Variants in LDB2 observed in about 807,000 individuals in gnomAD.
LDB2 encodes the protein LIM domain binding 2.
Under a neutral mutation model 44.3 loss-of-function variants are expected in LDB2, and 12 were observed. The observed-to-expected ratio is 0.27, with a 90% CI of 0.17 to 0.44. The LOEUF (loss-of-function observed/expected upper bound fraction) is 0.44, where lower values mean the gene tolerates loss of function less well. LDB2 is among the 20% of genes least tolerant of loss of function. The pLI is 1.00. For missense variants in LDB2, 344 were observed against 473.5 expected, an observed-to-expected ratio of 0.73 and a Z score of 2.54; for synonymous variants, 164 against 174.8, an observed-to-expected ratio of 0.94 and a Z score of 0.49.
At chr4:16,719,999 A>G (rs1468216107) in intron 2 of LDB2, among the ~76,000 whole-genome samples, 1 of 152,166 alleles carries the variant, frequency 6.6e-6, no homozygotes, top group African/African-American at 2.4e-5. Flanking sequence ...TTAAATATTT[A>G]TCTTCCTTTA....
intron 2 of LDB2, among the ~76,000 whole-genome samples, chr4:16,667,921 C>T (rs1484795657): frequency 6.6e-6 from 1 of 152,168 alleles, no homozygotes; most frequent in Non-Finnish European, 1.5e-5. Context: ...GTCCTCTGCT[C>T]ACCTTCCACG....
chr4:16,646,929 T>C (rs143516254), intron 2 of LDB2, among the ~76,000 whole-genome samples: 2 of 152,344 alleles, frequency 1.3e-5, no homozygotes, highest in South Asian at 2.1e-4. Context: ...ACACTTACCA[T>C]ATGATTCAGC....
At chr4:16,832,999 C>T (rs902672314) in intron 1 of LDB2, among the ~76,000 whole-genome samples, 1 of 152,192 alleles carries the variant, frequency 6.6e-6, no homozygotes, top group Non-Finnish European at 1.5e-5. Context: ...CTATTTTACT[C>T]ATAAGGAAAC....
rs1035761774 is a variant in LDB2 at position 16,626,531 on chromosome 4, C to A, written c.236-30656G>T. Among the ~76,000 whole-genome samples, 3 of 152,220 alleles carry A rather than the reference C, an allele frequency of 2.0e-5. No homozygotes were observed. The East Asian group carries it at 5.8e-4, about 29-fold the overall frequency. On this transcript the variant is annotated intron_variant, in intron 2 of 7. Transcript: ENST00000304523. Reference sequence around the variant, plus strand: ...ACTAGCTAGACACTTCACTTCAGTGCTTGAAATCTAGCCAGGTTCTCACAG... The same window carrying A: ...ACTAGCTAGACACTTCACTTCAGTGATTGAAATCTAGCCAGGTTCTCACAG...
chr4:16,883,578 G>C (rs1720810665), intron 1 of LDB2, among the ~76,000 whole-genome samples: 1 of 152,220 alleles, frequency 6.6e-6, no homozygotes, highest in African/African-American at 2.4e-5. Context: ...CATTCTATCA[G>C]TGTGGAAACT....
intron 5 of LDB2, among the ~76,000 whole-genome samples, chr4:16,539,146 G>T (rs1462159817): frequency 6.6e-6 from 1 of 152,182 alleles, no homozygotes; most frequent in Non-Finnish European, 1.5e-5. Context: ...TACAATTGGG[G>T]ATCAAGGAAA....
At chr4:16,743,023 C>T (rs945445609) in intron 2 of LDB2, among the ~76,000 whole-genome samples, 8 of 152,078 alleles carry the variant, frequency 5.3e-5, no homozygotes, top group Non-Finnish European at 8.8e-5. Flanking sequence ...GGTGTGGTGG[C>T]TCACACCTGT....
intron 5 of LDB2, among the ~76,000 whole-genome samples, chr4:16,544,577 G>C (rs1232309801): frequency 6.6e-6 from 1 of 152,200 alleles, no homozygotes; most frequent in East Asian, 1.9e-4. Context: ...GAGAAGGGGA[G>C]AGGTTTTGGA....
chr4:16,689,045 C>G (rs1749945168), intron 2 of LDB2, among the ~76,000 whole-genome samples: 1 of 152,184 alleles, frequency 6.6e-6, no homozygotes, highest in Non-Finnish European at 1.5e-5. Flanking sequence ...TGTGAACACT[C>G]TGGAAATTAC....
chr4:16,585,970 T>C lies in LDB2; in HGVS notation c.567A>G (p.Lys189=), dbSNP rs1716648699. Reference sequence around the variant, plus strand: ...TTGTTAGCCCCATCCTGGTGATGTTTTTGGACAGCTGATCCAGGACCTGAG... The same window carrying C: ...TTGTTAGCCCCATCCTGGTGATGTTCTTGGACAGCTGATCCAGGACCTGAG... ...QDPQVLDQLS[K]NITRMGLTNF... The change falls in exon 5 of 8, where the codon AAA becomes AAG. Residue 189 remains lysine (K), a synonymous_variant. Coordinates refer to ENST00000304523, the MANE Select transcript of LDB2 (RefSeq NM_001290.5). 2 of 1,613,814 alleles carry C rather than the reference T, an allele frequency of 1.2e-6. No individual in the cohort carries two copies. Among genetic ancestry groups the C allele is most frequent in the Non-Finnish European group, 1.7e-6 (2 of 1,179,882 alleles).
chr4:16,819,431 C>T lies in LDB2; in HGVS notation c.133-60171G>A, dbSNP rs188569699. Among the ~76,000 whole-genome samples, 148 of 145,476 alleles carry T rather than the reference C, an allele frequency of 1.0e-3. 2 individuals are homozygous for T. Among genetic ancestry groups the T allele is most frequent in the East Asian group, 9.2e-3 (45 of 4,872 alleles). ...GTCAGATTTTGGTCAAAGAAGAACCCTCCCTGAACCTCACTTTCCTGCACT... is the reference window on the plus strand; with the variant it reads ...GTCAGATTTTGGTCAAAGAAGAACCTTCCCTGAACCTCACTTTCCTGCACT... On this transcript the variant is annotated intron_variant, in intron 1 of 7. Coordinates refer to ENST00000304523, the MANE Select transcript of LDB2 (RefSeq NM_001290.5).
chr4:16,742,916 C>T (rs554736914), intron 2 of LDB2, among the ~76,000 whole-genome samples: 8 of 152,292 alleles, frequency 5.3e-5, no homozygotes, highest in South Asian at 2.1e-4. Context: ...TACTCATTGC[C>T]TCTGCCATGC....
intron 7 of LDB2, among the ~76,000 whole-genome samples, chr4:16,505,195 A>T (rs1392186643): frequency 6.6e-6 from 1 of 152,228 alleles, no homozygotes; most frequent in East Asian, 1.9e-4. Flanking sequence ...ACAGGCTTGT[A>T]ATCTGTTCGG....
intron 5 of LDB2, among the ~76,000 whole-genome samples, chr4:16,520,957 C>G (rs991641272): frequency 6.6e-6 from 1 of 152,186 alleles, no homozygotes; most frequent in Admixed American, 6.5e-5. Context: ...CCCCCTTCCA[C>G]AATGCTTGGG....
At chr4:16,748,442 A>G (rs932208700) in intron 2 of LDB2, among the ~76,000 whole-genome samples, 2 of 152,236 alleles carry the variant, frequency 1.3e-5, no homozygotes, top group Middle Eastern at 3.2e-3. Context: ...CCTTGATTAA[A>G]CAATAAATAA....
intron 2 of LDB2, among the ~76,000 whole-genome samples, chr4:16,628,211 G>A (rs528445960): frequency 3.3e-5 from 5 of 152,222 alleles, no homozygotes; most frequent in South Asian, 4.2e-4. Flanking sequence ...AGAAATATAC[G>A]GGTTGCATTA....
chr4:16,522,963 T>C (rs1355797277), intron 5 of LDB2, among the ~76,000 whole-genome samples: 3 of 152,208 alleles, frequency 2.0e-5, no homozygotes, highest in Non-Finnish European at 2.9e-5. Context: ...AAGATTCTTA[T>C]TGACGAATTA....
chr4:16,847,428 CTCCT>C (rs1434154901), intron 1 of LDB2, among the ~76,000 whole-genome samples: 1 of 152,176 alleles, frequency 6.6e-6, no homozygotes, highest in Non-Finnish European at 1.5e-5. Context: ...GTGACACCTC[CTCCT>C]TAAGGATGTT....
At chr4:16,721,839 G>A (rs1179481522) in intron 2 of LDB2, among the ~76,000 whole-genome samples, 2 of 152,162 alleles carry the variant, frequency 1.3e-5, no homozygotes, top group African/African-American at 4.8e-5. Context: ...GTACAGTGAT[G>A]TTTGTCAAAT....
Sources: allele counts gnomAD v4.1 joint callset (sites outside exome capture counted in the v4.1 genomes callset), GRCh38; gene constraint gnomAD v4.1.1; transcripts MANE v1.5; gene names NCBI Gene and HGNC (gene_info 2026-07-23, HGNC 2026-07-21).